NAALADL2: variants seen among roughly 807,000 people sequenced by gnomAD.
The protein encoded by NAALADL2 is inactive N-acetylated-alpha-linked acidic dipeptidase-like protein 2.
Under a neutral mutation model 87.2 loss-of-function variants are expected in NAALADL2, and 76 were observed. That is an observed-to-expected ratio of 0.87 (90% confidence interval 0.72 to 1.05). NAALADL2 has a LOEUF of 1.05. Among genes scored for constraint, NAALADL2 ranks in the 50% least tolerant of loss-of-function variants. NAALADL2 has a pLI of 0.00. For missense variants in NAALADL2, 1,089 were observed against 945.8 expected, an observed-to-expected ratio of 1.15 and a Z score of -1.99; for synonymous variants, 354 against 331.0, an observed-to-expected ratio of 1.07 and a Z score of -0.75.
intron 2 of NAALADL2, among the ~76,000 whole-genome samples, chr3:175,119,692 T>TATAGATATAGATATAGATATAG (rs374637601): frequency 0.32 from 46,248 of 145,140 alleles, 7,804 homozygotes; most frequent in Admixed American, 0.37. Context: ...AAGGTGTGTA[T>TATAGATATAGATATAGATATAG]ATATAGATAT....
chr3:174,801,288 A>G (rs1718800203), intron 3 of NAALADL2, among the ~76,000 whole-genome samples: 1 of 152,092 alleles, frequency 6.6e-6, no homozygotes, highest in Non-Finnish European at 1.5e-5. Context: ...TTCTTGTGCT[A>G]TTTGCATGAC....
chr3:175,107,501 A>AAC (rs201186781), intron 2 of NAALADL2, among the ~76,000 whole-genome samples: 40 of 138,786 alleles, frequency 2.9e-4, no homozygotes, highest in African/African-American at 6.7e-4. Context: ...CACAAGCACG[A>AAC]ACACACACAT....
intron 1 of NAALADL2, among the ~76,000 whole-genome samples, chr3:174,893,238 T>A (rs185948270): frequency 5.3e-5 from 8 of 151,740 alleles, no homozygotes; most frequent in Middle Eastern, 3.4e-3. Flanking sequence ...ATGAAGACTT[T>A]CCCAAACAAA....
At chr3:175,181,745 G>GTGTGTATATATGTGTA (rs1736563543) in intron 2 of NAALADL2, among the ~76,000 whole-genome samples, 1 of 39,656 alleles carries the variant, frequency 2.5e-5, no homozygotes, top group Non-Finnish European at 5.5e-5. Flanking sequence ...GTGTATATAT[G>GTGTGTATATATGTGTA]TATATATATG....
chr3:174,888,634 T>A (rs1475372875), intron 1 of NAALADL2, among the ~76,000 whole-genome samples: 3 of 152,236 alleles, frequency 2.0e-5, no homozygotes, highest in Non-Finnish European at 4.4e-5. Flanking sequence ...GTGACTCCTA[T>A]CATTCGGGGC....
chr3:175,598,961 T>C (rs1393039471), intron 10 of NAALADL2, among the ~76,000 whole-genome samples: 3 of 152,134 alleles, frequency 2.0e-5, no homozygotes, highest in Non-Finnish European at 4.4e-5. Context: ...TTGAAACACA[T>C]TTGAAGTTAC....
intron 9 of NAALADL2, among the ~76,000 whole-genome samples, chr3:175,509,166 A>C (rs887508249): frequency 1.3e-5 from 2 of 151,936 alleles, no homozygotes; most frequent in African/African-American, 2.4e-5. Flanking sequence ...CAAAGCCTCT[A>C]TGTCTTTATG....
intron 9 of NAALADL2, among the ~76,000 whole-genome samples, chr3:175,518,125 C>T (rs1414595572): frequency 2.0e-5 from 3 of 152,166 alleles, no homozygotes; most frequent in East Asian, 3.9e-4. Flanking sequence ...CTAGGTTGCT[C>T]GTCTATGTTT....
intron 2 of NAALADL2, among the ~76,000 whole-genome samples, chr3:174,714,518 T>TCCCTCATAAGTTGGATTCCTA (rs1344680424): frequency 1.8e-4 from 27 of 152,176 alleles, no homozygotes; most frequent in African/African-American, 6.5e-4. Context: ...GTCCTTCACA[T>TCCCTCATAAGTTGGATTCCTA]CCCTCATAAG....
At chr3:175,455,771 A>C (rs1187269161) in intron 6 of NAALADL2, among the ~76,000 whole-genome samples, 2 of 152,052 alleles carry the variant, frequency 1.3e-5, no homozygotes, top group Non-Finnish European at 2.9e-5. Context: ...ATAGCTGCAG[A>C]CCACAGCATC....
At chr3:175,692,699 A>G (rs1401385928) in intron 11 of NAALADL2, among the ~76,000 whole-genome samples, 1 of 152,208 alleles carries the variant, frequency 6.6e-6, no homozygotes, top group African/African-American at 2.4e-5. Flanking sequence ...AGTCAAGCTT[A>G]GGGTGCAGCT....
At chr3:174,511,535 TA>T (rs981022609) in intron 1 of NAALADL2, among the ~76,000 whole-genome samples, 1 of 151,954 alleles carries the variant, frequency 6.6e-6, no homozygotes, top group African/African-American at 2.4e-5. Flanking sequence ...ACTTTTAATC[TA>T]TTTTTTTTCA....
intron 3 of NAALADL2, among the ~76,000 whole-genome samples, chr3:174,821,245 T>TA (rs1380069373): frequency 2.0e-5 from 3 of 152,132 alleles, no homozygotes; most frequent in Non-Finnish European, 4.4e-5. Context: ...CCTATTACAT[T>TA]AGGAAATATA....
intron 2 of NAALADL2, among the ~76,000 whole-genome samples, chr3:175,108,420 A>G (rs530427397): frequency 1.3e-5 from 2 of 152,158 alleles, no homozygotes; most frequent in East Asian, 1.9e-4. Flanking sequence ...AAGAAACAAA[A>G]GAAGCAGTTC....
intron 1 of NAALADL2, among the ~76,000 whole-genome samples, chr3:174,475,235 G>C (rs1266099897): frequency 6.6e-6 from 1 of 151,866 alleles, no homozygotes; most frequent in East Asian, 1.9e-4. Context: ...AAGGGAACCG[G>C]TCATTAAGGA....
intron 2 of NAALADL2, among the ~76,000 whole-genome samples, chr3:174,727,002 AC>A (rs962627006): frequency 7.2e-5 from 11 of 152,042 alleles, no homozygotes; most frequent in African/African-American, 2.2e-4. Context: ...ATATTTATGT[AC>A]TTTTTGGGTG....
Position 175,067,672 on chromosome 3 carries a change from A to G in NAALADL2, c.44-29118A>G, listed in dbSNP as rs1014461928. ...TGTAAATTAGCTTAGTTACTGTGGA[A>G]AGCAGTCTGGAGATGCCTCAAAGAA... On this transcript the variant is annotated intron_variant, in intron 1 of 13. Coordinates refer to ENST00000454872, the MANE Select transcript of NAALADL2 (RefSeq NM_207015.3). 2.0e-5 allele frequency among the ~76,000 whole-genome samples: 3 copies of G among 151,738 alleles called. No individual in the cohort carries two copies. The East Asian group carries it at 5.8e-4, about 29-fold the overall frequency.
At chr3:175,292,823 G>C (rs899363214) in intron 4 of NAALADL2, among the ~76,000 whole-genome samples, 1 of 151,934 alleles carries the variant, frequency 6.6e-6, no homozygotes, top group African/African-American at 2.4e-5. Flanking sequence ...GGATCTCGAG[G>C]TCAGGAGATC....
At chr3:175,796,155 T>G (rs1753467208) in intron 13 of NAALADL2, among the ~76,000 whole-genome samples, 2 of 150,046 alleles carry the variant, frequency 1.3e-5, no homozygotes, top group African/African-American at 2.5e-5. Flanking sequence ...AGCAGCATGG[T>G]AGCTTGCCAA....
Sources: gnomAD v4.1 joint callset for allele counts (sites outside exome capture counted in the v4.1 genomes callset) on GRCh38, gnomAD v4.1.1 for gene constraint, MANE v1.5 for transcripts, NCBI Gene and HGNC (gene_info 2026-07-23, HGNC 2026-07-21) for gene names.